Variants in RALYL observed in about 807,000 individuals in gnomAD.
RALYL encodes the protein RNA-binding Raly-like protein.
Under a neutral mutation model 35.1 loss-of-function variants are expected in RALYL, and 29 were observed. The ratio of observed to expected loss-of-function variants is 0.83; its 90% CI spans 0.61 to 1.13. The LOEUF is 1.13. RALYL is among the 50% of genes most tolerant of loss of function. The probability of loss-of-function intolerance (pLI) is 0.00; values close to 1 mark genes in which losing one functional copy is unlikely to be tolerated. For synonymous variants in RALYL, 120 were observed against 127.6 expected (o/e 0.94, Z 0.40); for missense variants, 359 against 360.4 (o/e 1.00, Z 0.03).
rs149588014 is a variant in RALYL at position 84,207,280 on chromosome 8, G to A, written c.-24+22856G>A. On this transcript the variant is annotated intron_variant, in intron 1 of 8. Coordinates refer to ENST00000521268, the MANE Select transcript of RALYL (RefSeq NM_173848.7). ...ACAACCTAAGTGTCCATCAATGGATGAATAAAGAAAATGTTATATATATAA... is the reference window on the plus strand; with the variant it reads ...ACAACCTAAGTGTCCATCAATGGATAAATAAAGAAAATGTTATATATATAA... Among the ~76,000 whole-genome samples the A allele has an allele frequency of 7.9e-3, 1,193 of 151,646 alleles. 13 individuals are homozygous for A. The highest frequency in any genetic ancestry group is 0.027 in the African/African-American group (1,130 of 41,366).
intron 2 of RALYL, among the ~76,000 whole-genome samples, chr8:84,551,444 A>G (rs780529199): frequency 4.6e-5 from 7 of 152,138 alleles, no homozygotes; most frequent in Non-Finnish European, 1.0e-4. Context: ...GATGTGCTAG[A>G]TGAAGATGGT....
intron 1 of RALYL, among the ~76,000 whole-genome samples, chr8:84,301,303 G>T (rs113057818): frequency 0.023 from 3,568 of 151,914 alleles, 134 homozygotes; most frequent in African/African-American, 0.081. Context: ...CTTTCTAGCT[G>T]CCTTAAAAAA....
intron 2 of RALYL, among the ~76,000 whole-genome samples, chr8:84,663,748 G>C (rs1588859289): frequency 1.3e-5 from 2 of 151,768 alleles, no homozygotes; most frequent in South Asian, 4.2e-4. Context: ...TTGCAAAAAT[G>C]GTCTCCCATT....
intron 1 of RALYL, among the ~76,000 whole-genome samples, chr8:84,457,352 T>C (rs1168285239): frequency 6.6e-6 from 1 of 152,006 alleles, no homozygotes; most frequent in Non-Finnish European, 1.5e-5. Context: ...TTTTAAATAC[T>C]TTTTGATGGC....
At chr8:84,728,004 G>A (rs1414100623) in intron 2 of RALYL, among the ~76,000 whole-genome samples, 1 of 151,780 alleles carries the variant, frequency 6.6e-6, no homozygotes. Flanking sequence ...TGGGATGGCT[G>A]GGTCAAATGG....
intron 2 of RALYL, among the ~76,000 whole-genome samples, chr8:84,554,071 T>A (rs945682728): frequency 4.6e-5 from 7 of 152,206 alleles, no homozygotes; most frequent in Non-Finnish European, 8.8e-5. Flanking sequence ...ATTCTCTTAC[T>A]GAATTGAAAC....
intron 1 of RALYL, among the ~76,000 whole-genome samples, chr8:84,370,824 G>A (rs1051685167): frequency 5.3e-5 from 8 of 151,966 alleles, no homozygotes; most frequent in South Asian, 2.1e-4. Flanking sequence ...AGGAGGTGAG[G>A]GTCACTATGT....
intron 1 of RALYL, among the ~76,000 whole-genome samples, chr8:84,448,762 G>T (rs1236228850): frequency 2.0e-5 from 3 of 151,982 alleles, no homozygotes; most frequent in Non-Finnish European, 4.4e-5. Context: ...CTCTTATAGC[G>T]TAAAAATCTT....
intron 2 of RALYL, among the ~76,000 whole-genome samples, chr8:84,704,091 T>C (rs1475958410): frequency 6.6e-6 from 1 of 152,178 alleles, no homozygotes; most frequent in East Asian, 1.9e-4. Context: ...GAAAAAGAAT[T>C]TGTGATTGTA....
chr8:84,634,780 A>G (rs1824679213), intron 2 of RALYL, among the ~76,000 whole-genome samples: 1 of 151,756 alleles, frequency 6.6e-6, no homozygotes, highest in Admixed American at 6.6e-5. Context: ...AACTTCAAGG[A>G]GTTGGAGGAG....
intron 1 of RALYL, among the ~76,000 whole-genome samples, chr8:84,269,360 T>C (rs563881292): frequency 3.7e-4 from 57 of 152,328 alleles, no homozygotes; most frequent in African/African-American, 1.4e-3. Context: ...GTGGGAGTGA[T>C]TGACAAATGT....
intron 8 of RALYL, among the ~76,000 whole-genome samples, chr8:84,905,484 G>A (rs1846333767): frequency 6.6e-6 from 1 of 152,062 alleles, no homozygotes; most frequent in Admixed American, 6.6e-5. Flanking sequence ...TTTATTTGGG[G>A]AGAGGGGGAC....
intron 2 of RALYL, among the ~76,000 whole-genome samples, chr8:84,696,670 G>A (rs1589066932): frequency 6.7e-6 from 1 of 148,584 alleles, no homozygotes; most frequent in Middle Eastern, 3.2e-3. Flanking sequence ...AAAATAAAAT[G>A]TGAGACTCTT....
At chr8:84,223,637 TTTGG>T (rs1400340002) in intron 1 of RALYL, among the ~76,000 whole-genome samples, 13 of 152,250 alleles carry the variant, frequency 8.5e-5, no homozygotes, top group African/African-American at 2.6e-4. Flanking sequence ...GAACAGAGTA[TTTGG>T]TTGGAAGGAA....
At chr8:84,425,212 C>T (rs1376349654) in intron 1 of RALYL, among the ~76,000 whole-genome samples, 2 of 152,142 alleles carry the variant, frequency 1.3e-5, no homozygotes, top group East Asian at 1.9e-4. Context: ...ATTCCGTGGG[C>T]ATAGGACCCT....
intron 2 of RALYL, among the ~76,000 whole-genome samples, chr8:84,691,129 A>G (rs1254659803): frequency 1.3e-5 from 2 of 152,104 alleles, no homozygotes; most frequent in South Asian, 2.1e-4. Flanking sequence ...TATTAAACCT[A>G]AAAGTTAAAA....
chr8:84,363,715 A>G (rs781218141), intron 1 of RALYL, among the ~76,000 whole-genome samples: 2 of 152,278 alleles, frequency 1.3e-5, no homozygotes, highest in Admixed American at 6.5e-5. Flanking sequence ...TGAATAAGGA[A>G]GGCATCCCAG....
At chr8:84,844,328 C>T (rs1834113964) in intron 4 of RALYL, among the ~76,000 whole-genome samples, 1 of 152,200 alleles carries the variant, frequency 6.6e-6, no homozygotes, top group Non-Finnish European at 1.5e-5. Context: ...AGACACTTCT[C>T]AAAAGAAGAC....
At chr8:84,432,880 C>A (rs368318504) in intron 1 of RALYL, among the ~76,000 whole-genome samples, 1 of 152,080 alleles carries the variant, frequency 6.6e-6, no homozygotes, top group South Asian at 2.1e-4. Flanking sequence ...ACTGACATCA[C>A]AATTTCAGAC....
Sources: gnomAD v4.1 joint callset for allele counts (sites outside exome capture counted in the v4.1 genomes callset) on GRCh38, gnomAD v4.1.1 for gene constraint, MANE v1.5 for transcripts, NCBI Gene and HGNC (gene_info 2026-07-23, HGNC 2026-07-21) for gene names.